Variants in SYT9 observed in about 807,000 individuals in gnomAD.
SYT9 encodes synaptotagmin 9, also known as synaptotagmin-9.
A neutral mutation model predicts 48.4 loss-of-function variants in SYT9; 22 were observed. The observed-to-expected ratio is 0.45, with a 90% CI of 0.32 to 0.65. SYT9 has a LOEUF of 0.65. Ranked by LOEUF, SYT9 falls within the 30% of genes least tolerant of loss-of-function variation. SYT9 has a pLI of 0.03. For missense variants in SYT9, 577 were observed against 622.0 expected, an observed-to-expected ratio of 0.93 and a Z score of 0.77; for synonymous variants, 265 against 245.0, an observed-to-expected ratio of 1.08 and a Z score of -0.76.
intron 3 of SYT9, among the ~76,000 whole-genome samples, chr11:7,341,193 G>A (rs1256341436): frequency 6.6e-6 from 1 of 152,190 alleles, no homozygotes; most frequent in Non-Finnish European, 1.5e-5. Context: ...CTGCTGTGCT[G>A]TACTGGAGGA....
chr11:7,239,968 C>A (rs554575447), intron 1 of SYT9, among the ~76,000 whole-genome samples: 23 of 152,172 alleles, frequency 1.5e-4, no homozygotes, highest in African/African-American at 5.3e-4. Context: ...ATTATATGAA[C>A]TGGAGAGTCA....
chr11:7,389,280 TA>T (rs1436781485), intron 3 of SYT9, among the ~76,000 whole-genome samples: 1 of 152,098 alleles, frequency 6.6e-6, no homozygotes, highest in Admixed American at 6.6e-5. Context: ...ACAATGGTAC[TA>T]AAAAAATATT....
chr11:7,274,179 T>C (rs1848344395), intron 1 of SYT9, among the ~76,000 whole-genome samples: 1 of 152,242 alleles, frequency 6.6e-6, no homozygotes, highest in African/African-American at 2.4e-5. Context: ...CTTTGATTAG[T>C]CAGAGCCTGA....
intron 3 of SYT9, among the ~76,000 whole-genome samples, chr11:7,396,816 T>A (rs1410587321): frequency 6.6e-6 from 1 of 152,136 alleles, no homozygotes; most frequent in African/African-American, 2.4e-5. Context: ...CATTTAATTT[T>A]GATAAAGTAA....
intron 3 of SYT9, among the ~76,000 whole-genome samples, chr11:7,333,202 G>T (rs182463370): frequency 1.3e-5 from 2 of 152,154 alleles, no homozygotes; most frequent in Non-Finnish European, 2.9e-5. Flanking sequence ...TAAACATAGT[G>T]GGGGAGTGAG....
intron 3 of SYT9, among the ~76,000 whole-genome samples, chr11:7,399,273 G>C (rs189738795): frequency 1.2e-4 from 18 of 152,274 alleles, no homozygotes; most frequent in Admixed American, 9.8e-4. Context: ...GAAGTTCTGT[G>C]CTGAAAATGA....
At chr11:7,314,323 C>T (rs867727046) in intron 3 of SYT9, 2 of 385,754 alleles carry the variant, frequency 5.2e-6, no homozygotes, top group Middle Eastern at 3.7e-4. Flanking sequence ...AGACCATTAC[C>T]TGACTCTGAC....
At chr11:7,299,794 T>C (rs543755945) in intron 1 of SYT9, among the ~76,000 whole-genome samples, 2 of 152,284 alleles carry the variant, frequency 1.3e-5, no homozygotes, top group East Asian at 3.9e-4. Context: ...GTTTTGTGAG[T>C]GCATGAGCTG....
chr11:7,307,556 A>G lies in SYT9; in HGVS notation c.497+4166A>G, dbSNP rs16924619. 6.6e-3 allele frequency among the ~76,000 whole-genome samples: 1,010 copies of G among 152,356 alleles called. 18 individuals carry two copies. The highest frequency in any genetic ancestry group is 0.042 in the East Asian group (220 of 5,184). The stretch of plus-strand genomic sequence containing the variant: ...CAAGCATTTGCTATGGCAAAATTCA[A>G]TATTAGGTGGTGGCAATAAAGAGAG... On this transcript the variant is annotated intron_variant, in intron 2 of 6. Coordinates refer to ENST00000318881, the MANE Select transcript of SYT9 (RefSeq NM_175733.4).
intron 6 of SYT9, among the ~76,000 whole-genome samples, chr11:7,431,562 A>AT (rs1847571133): frequency 6.6e-6 from 1 of 152,230 alleles, no homozygotes; most frequent in South Asian, 2.1e-4. Flanking sequence ...CAATGGGAAA[A>AT]AGACCTCAAA....
intron 1 of SYT9, among the ~76,000 whole-genome samples, chr11:7,246,329 G>A (rs529597449): frequency 6.6e-6 from 1 of 152,294 alleles, no homozygotes; most frequent in South Asian, 2.1e-4. Flanking sequence ...GCCTTAGAGA[G>A]CAAGGATCAT....
chr11:7,459,554 G>C (rs1393481578), intron 6 of SYT9, among the ~76,000 whole-genome samples: 1 of 152,198 alleles, frequency 6.6e-6, no homozygotes, highest in Non-Finnish European at 1.5e-5. Flanking sequence ...ATTAAGAACT[G>C]ACATTGGGTT....
intron 2 of SYT9, among the ~76,000 whole-genome samples, chr11:7,312,349 C>A (rs890453741): frequency 6.6e-6 from 1 of 152,158 alleles, no homozygotes. Context: ...TTTACCAATC[C>A]CTAAGAGACA....
intron 1 of SYT9, among the ~76,000 whole-genome samples, chr11:7,265,086 A>G (rs1473856216): frequency 6.6e-6 from 1 of 152,198 alleles, no homozygotes; most frequent in Admixed American, 6.5e-5. Flanking sequence ...TATTTAAGAG[A>G]TAAAATAATT....
intron 6 of SYT9, among the ~76,000 whole-genome samples, chr11:7,421,716 T>C (rs544904093): frequency 1.6e-4 from 24 of 152,354 alleles, no homozygotes; most frequent in African/African-American, 4.8e-4. Context: ...CTAAGTAACA[T>C]GTCTGAGGGT....
intron 1 of SYT9, among the ~76,000 whole-genome samples, chr11:7,291,201 A>T (rs528419646): frequency 2.0e-4 from 30 of 152,296 alleles, no homozygotes; most frequent in Non-Finnish European, 4.1e-4. Context: ...ATTATAGTCC[A>T]TGTAGGTCAG....
chr11:7,331,631 G>A (rs978020804), intron 3 of SYT9, among the ~76,000 whole-genome samples: 1 of 152,092 alleles, frequency 6.6e-6, no homozygotes, highest in Non-Finnish European at 1.5e-5. Flanking sequence ...GGCTGAGGTG[G>A]GAGCATCACC....
intron 3 of SYT9, among the ~76,000 whole-genome samples, chr11:7,352,297 A>C (rs952791370): frequency 6.6e-6 from 1 of 152,228 alleles, no homozygotes; most frequent in African/African-American, 2.4e-5. Flanking sequence ...TAGGCACATC[A>C]GAGATGGAGA....
At chr11:7,381,671 T>C (rs1850567821) in intron 3 of SYT9, among the ~76,000 whole-genome samples, 1 of 152,190 alleles carries the variant, frequency 6.6e-6, no homozygotes, top group Non-Finnish European at 1.5e-5. Context: ...TTTTGAAATG[T>C]GAAAGACTCA....
Sources: allele counts gnomAD v4.1 joint callset (sites outside exome capture counted in the v4.1 genomes callset), GRCh38; gene constraint gnomAD v4.1.1; transcripts MANE v1.5; gene names NCBI Gene and HGNC (gene_info 2026-07-23, HGNC 2026-07-21).